PTPRK: variants seen among roughly 807,000 people sequenced by gnomAD.
The protein encoded by PTPRK is protein tyrosine phosphatase receptor type K.
PTPRK carries 75 observed loss-of-function variants against 178.0 expected under a neutral mutation model. That is an observed-to-expected ratio of 0.42 (90% CI 0.35 to 0.51). PTPRK has a LOEUF of 0.51. Ranked by LOEUF, PTPRK falls within the 20% of genes least tolerant of loss-of-function variation. The pLI, the probability that PTPRK is intolerant of heterozygous loss-of-function variation, is 0.02. For synonymous variants in PTPRK, 637 were observed against 620.6 expected (o/e 1.03, Z -0.39); for missense variants, 1,441 against 1,797.8 (o/e 0.80, Z 3.59).
intron 1 of PTPRK, among the ~76,000 whole-genome samples, chr6:128,474,272 G>A (rs998681349): frequency 6.6e-6 from 1 of 151,972 alleles, no homozygotes; most frequent in Non-Finnish European, 1.5e-5. Context: ...CACGGGACAT[G>A]AGAGCTGTCA....
chr6:128,322,292 T>C lies in PTPRK; in HGVS notation c.242A>G (p.Asp81Gly). The stretch of plus-strand genomic sequence containing the variant: ...TTCTCCAGGGTCGTGATCTGAAGAG[T>C]CCACTATCATATAGGAACCTGAAAT... ...EMPQGSYMIVDSSDHDPGEKA... is the reference protein window; with the variant it reads ...EMPQGSYMIVGSSDHDPGEKA... Residue 81 changes from aspartate (D) to glycine (G), a missense_variant, in exon 3 of 30, where the codon GAC (aspartate) becomes GGC (glycine). Asp to Gly is a moderately conservative substitution (Grantham distance 94). Coordinates refer to ENST00000368226, the MANE Select transcript of PTPRK (RefSeq NM_002844.4). The C allele has an allele frequency of 6.3e-7, 1 of 1,587,538 alleles. No individual in the cohort carries two copies. Among genetic ancestry groups the C allele is most frequent in the Non-Finnish European group, 8.6e-7 (1 of 1,156,264 alleles).
chr6:128,446,672 T>C (rs1305841926), intron 1 of PTPRK, among the ~76,000 whole-genome samples: 3 of 152,214 alleles, frequency 2.0e-5, no homozygotes, highest in Non-Finnish European at 4.4e-5. Flanking sequence ...CCCATTCATC[T>C]AAATGCAGTT....
intron 6 of PTPRK, among the ~76,000 whole-genome samples, chr6:128,202,214 T>C (rs1404997071): frequency 6.6e-6 from 1 of 152,120 alleles, no homozygotes; most frequent in African/African-American, 2.4e-5. Flanking sequence ...GGTGGGGCGA[T>C]GGCCCACTTC....
chr6:128,272,189 C>A (rs1273737646), intron 3 of PTPRK, among the ~76,000 whole-genome samples: 1 of 152,022 alleles, frequency 6.6e-6, no homozygotes, highest in African/African-American at 2.4e-5. Flanking sequence ...CTTCCTTACA[C>A]CTTATATAAA....
chr6:128,152,317 G>C (rs1240458069), intron 7 of PTPRK, among the ~76,000 whole-genome samples: 1 of 151,984 alleles, frequency 6.6e-6, no homozygotes, highest in East Asian at 1.9e-4. Context: ...TGAATCCAAA[G>C]TACTGATGGT....
At chr6:128,347,499 T>A (rs1416377887) in intron 2 of PTPRK, among the ~76,000 whole-genome samples, 2 of 152,152 alleles carry the variant, frequency 1.3e-5, no homozygotes, top group Non-Finnish European at 2.9e-5. Context: ...TATGTTGATT[T>A]TTTTTCATTT....
chr6:127,976,563 T>C (rs775347701), intron 27 of PTPRK, 94 bp downstream of exon 27: 6 of 1,437,792 alleles, frequency 4.2e-6, no homozygotes, highest in Non-Finnish European at 5.8e-6. Context: ...TGCTTATTAA[T>C]TGTAGTCTCC....
At chr6:128,509,880 A>G (rs1414280998) in intron 1 of PTPRK, among the ~76,000 whole-genome samples, 2 of 152,096 alleles carry the variant, frequency 1.3e-5, no homozygotes, top group Non-Finnish European at 2.9e-5. Context: ...CACCTCATTC[A>G]TATATTTCCT....
At chr6:127,981,918 G>T (rs1422196769) in intron 24 of PTPRK, among the ~76,000 whole-genome samples, 2 of 152,030 alleles carry the variant, frequency 1.3e-5, no homozygotes, top group Non-Finnish European at 2.9e-5. Context: ...GCCTTCCAGG[G>T]TTAAGCAAAC....
chr6:128,449,724 C>T (rs1250379605), intron 1 of PTPRK, among the ~76,000 whole-genome samples: 3 of 152,108 alleles, frequency 2.0e-5, no homozygotes, highest in South Asian at 4.1e-4. Flanking sequence ...AAGTCTAACA[C>T]ATTCACACTT....
rs1327446348 is a variant in PTPRK at position 128,471,620 on chromosome 6, A to C, written c.100+48639T>G. Among the ~76,000 whole-genome samples, 4 of 150,474 alleles carry C rather than the reference A, an allele frequency of 2.7e-5. No homozygotes were observed. The East Asian group carries it at 7.7e-4, about 29-fold the overall frequency. ...AAAACAACCTAAAAAAAAAAAAAAA[A>C]AAAAAACTCACAACAAAAGCAGGTC... On this transcript the variant is annotated intron_variant, in intron 1 of 29. Coordinates refer to ENST00000368226, the MANE Select transcript of PTPRK (RefSeq NM_002844.4).
intron 7 of PTPRK, among the ~76,000 whole-genome samples, chr6:128,152,570 C>A (rs996815017): frequency 6.7e-6 from 1 of 148,432 alleles, no homozygotes; most frequent in African/African-American, 2.5e-5. Context: ...AAAAAAAAAT[C>A]AATGTAGTGA....
In PTPRK at chr6:128,075,241, A is replaced by G. The variant is rs12190558; in HGVS notation, c.1883+3572T>C. Among the ~76,000 whole-genome samples, 366 of 152,134 alleles carry G rather than the reference A, an allele frequency of 2.4e-3. 1 individual carries two copies. Among genetic ancestry groups the G allele is most frequent in the South Asian group, 7.3e-3 (35 of 4,824 alleles). On this transcript the variant is annotated intron_variant, in intron 11 of 29. Coordinates refer to ENST00000368226, the MANE Select transcript of PTPRK (RefSeq NM_002844.4). Reference sequence around the variant, plus strand: ...TACTCCAGCCTTCTGGATTATCCCCAGTCCATTCTCTATGTTTCTATCAGA... The same window carrying G: ...TACTCCAGCCTTCTGGATTATCCCCGGTCCATTCTCTATGTTTCTATCAGA...
At chr6:128,020,482 A>G (rs928759715) in intron 13 of PTPRK, among the ~76,000 whole-genome samples, 3 of 152,154 alleles carry the variant, frequency 2.0e-5, no homozygotes, top group African/African-American at 7.2e-5. Context: ...AGGACCAGAA[A>G]AGTCTCTTCT....
intron 3 of PTPRK, among the ~76,000 whole-genome samples, chr6:128,252,714 T>A (rs1002478886): frequency 6.6e-6 from 1 of 151,996 alleles, no homozygotes; most frequent in African/African-American, 2.4e-5. Context: ...ACACCACAGT[T>A]CCCAGCAGCA....
Position 127,985,729 on chromosome 6 carries a change from T to C in PTPRK, c.3243A>G (p.Val1081=), listed in dbSNP as rs1420517781. The change falls in exon 22 of 30, where the codon GTA becomes GTG. Residue 1081 remains valine (V), a synonymous_variant. Coordinates refer to ENST00000368226, the MANE Select transcript of PTPRK (RefSeq NM_002844.4). ...TTTGGACCACCACTTACCTGCAATG[T>C]ACAACGATGGGGCCAGCACTGGGAG... ...SNPPSAGPIV[V]HCSAGAGRTG... 1 of 1,612,412 alleles carries C rather than the reference T, an allele frequency of 6.2e-7. No homozygotes were observed. The highest frequency in any genetic ancestry group is 8.5e-7 in the Non-Finnish European group (1 of 1,178,732).
At chr6:128,010,518 A>T (rs1413399804) in intron 13 of PTPRK, among the ~76,000 whole-genome samples, 1 of 151,242 alleles carries the variant, frequency 6.6e-6, no homozygotes, top group Admixed American at 6.6e-5. Context: ...ATAGTTCTAT[A>T]CATCCAAGTA....
At chr6:128,369,139 T>TTATGCTGAAAGTACATTTATACACTGA (rs11275324) in intron 2 of PTPRK, among the ~76,000 whole-genome samples, 8 of 151,806 alleles carry the variant, frequency 5.3e-5, no homozygotes, top group South Asian at 2.1e-4. Flanking sequence ...GGGAAAGAGG[T>TTATGCTGAAAGTACATTTATACACTGA]TATTTCCCCA....
In PTPRK at chr6:128,007,281, T is replaced by C. The variant is rs4897238; in HGVS notation, c.2333+1849A>G. On this transcript the variant is annotated intron_variant, in intron 14 of 29. Transcript: ENST00000368226. ...AAGTAATGTAGATATAAATACTATA[T>C]ATTAGAAGGTAACATATCTAAATAA... Among the ~76,000 whole-genome samples the C allele has an allele frequency of 2.8e-3, 422 of 150,978 alleles. 8 individuals are homozygous for C. Among genetic ancestry groups the C allele is most frequent in the Admixed American group, 0.026 (391 of 15,086 alleles).
Sources: gnomAD v4.1 joint callset for allele counts (sites outside exome capture counted in the v4.1 genomes callset) on GRCh38, gnomAD v4.1.1 for gene constraint, MANE v1.5 for transcripts, NCBI Gene and HGNC (gene_info 2026-07-23, HGNC 2026-07-21) for gene names.